ZBTB16: variants seen among roughly 807,000 people sequenced by gnomAD.
The protein encoded by ZBTB16 is zinc finger and BTB domain containing 16.
A neutral mutation model predicts 56.8 loss-of-function variants in ZBTB16; 8 were observed. That is an observed-to-expected ratio of 0.14 (90% CI 0.08 to 0.25). ZBTB16 has a LOEUF of 0.25. ZBTB16 is among the 10% of genes least tolerant of loss of function. ZBTB16 has a pLI of 1.00. For missense variants in ZBTB16, 625 were observed against 903.0 expected (o/e 0.69, Z 3.95); for synonymous variants, 363 against 368.5 (o/e 0.98, Z 0.17).
At chr11:114,141,282 C>T (rs1941938313) in intron 2 of ZBTB16, among the ~76,000 whole-genome samples, 2 of 152,224 alleles carry the variant, frequency 1.3e-5, no homozygotes, top group African/African-American at 4.8e-5. Context: ...TCCAGAGCCC[C>T]CGAAAGGACC....
chr11:114,090,221 G>A (rs1307679070), intron 2 of ZBTB16, among the ~76,000 whole-genome samples: 1 of 152,242 alleles, frequency 6.6e-6, no homozygotes, highest in Non-Finnish European at 1.5e-5. Flanking sequence ...GATGGTTAGG[G>A]GAGGGGTCTT....
chr11:114,167,786 A>C (rs777376315), intron 3 of ZBTB16, among the ~76,000 whole-genome samples: 2 of 152,164 alleles, frequency 1.3e-5, no homozygotes, highest in African/African-American at 2.4e-5. Context: ...TATTGGTTCT[A>C]TCTGGTTATC....
chr11:114,219,007 G>A (rs1944167700), intron 4 of ZBTB16, among the ~76,000 whole-genome samples: 1 of 152,166 alleles, frequency 6.6e-6, no homozygotes, highest in Non-Finnish European at 1.5e-5. Flanking sequence ...AAGGCGTAAA[G>A]TGAGAGCCGT....
chr11:114,074,259 ATCTTAAT>A (rs1448084145), intron 2 of ZBTB16, among the ~76,000 whole-genome samples: 1 of 152,136 alleles, frequency 6.6e-6, no homozygotes, highest in Non-Finnish European at 1.5e-5. Flanking sequence ...CAGCGTTGTG[ATCTTAAT>A]GCCATTAGGC....
chr11:114,129,264 T>C (rs1456267891), intron 2 of ZBTB16, among the ~76,000 whole-genome samples: 3 of 152,238 alleles, frequency 2.0e-5, no homozygotes, highest in African/African-American at 2.4e-5. Flanking sequence ...TTTAATCTGC[T>C]CTGTTTAGAG....
intron 3 of ZBTB16, among the ~76,000 whole-genome samples, chr11:114,171,132 A>G (rs1410740652): frequency 6.6e-6 from 1 of 152,146 alleles, no homozygotes; most frequent in African/African-American, 2.4e-5. Context: ...GAGCAAAGAG[A>G]ATCACAGTGC....
At chr11:114,190,602 A>C (rs1185780375) in intron 4 of ZBTB16, among the ~76,000 whole-genome samples, 1 of 152,148 alleles carries the variant, frequency 6.6e-6, no homozygotes, top group Non-Finnish European at 1.5e-5. Flanking sequence ...TTTAAAAGAC[A>C]TGAATTTTAT....
At chr11:114,207,554 A>G (rs1439297692) in intron 4 of ZBTB16, among the ~76,000 whole-genome samples, 1 of 149,696 alleles carries the variant, frequency 6.7e-6, no homozygotes, top group Non-Finnish European at 1.5e-5. Flanking sequence ...TAACCCCCAC[A>G]CTCTCATGTG....
rs566385318 is a variant in ZBTB16, at chr11:114,256,543, T to G, written c.*5988T>G. Among the ~76,000 whole-genome samples the G allele has an allele frequency of 6.6e-6, 1 of 152,294 alleles. No homozygotes were observed. Among genetic ancestry groups the G allele is most frequent in the Non-Finnish European group, 1.5e-5 (1 of 68,026 alleles). On this transcript the variant is annotated 3_prime_UTR_variant, in exon 7 of 7. Transcript: ENST00000335953. ...GGGGTCTCACGTCTTCTTTAGTCTT[T>G]AGAGAGACATTTTCAACTGACTCCT...
At chr11:114,247,098 C>A in intron 5 of ZBTB16, 100 bp from the exon 6 acceptor site, 2 of 1,534,902 alleles carry the variant, frequency 1.3e-6, no homozygotes, top group Non-Finnish European at 9.0e-7. Flanking sequence ...GTGGTGAATA[C>A]AGGCCGTCGC....
chr11:114,171,677 C>CTAGAATTCT (rs1420582385), intron 3 of ZBTB16, among the ~76,000 whole-genome samples: 3 of 152,204 alleles, frequency 2.0e-5, no homozygotes, highest in African/African-American at 7.2e-5. Context: ...CCTGCACAGC[C>CTAGAATTCT]TAGAATTCTG....
At chr11:114,089,083 G>A (rs1362435979) in intron 2 of ZBTB16, among the ~76,000 whole-genome samples, 7 of 152,224 alleles carry the variant, frequency 4.6e-5, no homozygotes, top group Non-Finnish European at 1.0e-4. Context: ...ACGTGATTGG[G>A]CCACATCCCA....
chr11:114,074,382 T>A (rs1939461678), intron 2 of ZBTB16, among the ~76,000 whole-genome samples: 1 of 152,090 alleles, frequency 6.6e-6, no homozygotes, highest in Non-Finnish European at 1.5e-5. Flanking sequence ...CCATTATTAG[T>A]GTTAATTTGG....
intron 4 of ZBTB16, among the ~76,000 whole-genome samples, chr11:114,216,769 C>T (rs145979029): frequency 2.0e-5 from 3 of 152,310 alleles, no homozygotes; most frequent in African/African-American, 4.8e-5. Flanking sequence ...AGAACCAAGA[C>T]GGCTTGCCAC....
chr11:114,221,551 TC>T (rs1353669406), intron 4 of ZBTB16, among the ~76,000 whole-genome samples: 1 of 152,126 alleles, frequency 6.6e-6, no homozygotes, highest in East Asian at 1.9e-4. Flanking sequence ...ACACATTCAT[TC>T]CCCTTCTCCA....
intron 2 of ZBTB16, among the ~76,000 whole-genome samples, chr11:114,097,400 A>G (rs1033922859): frequency 1.3e-5 from 2 of 152,228 alleles, no homozygotes; most frequent in African/African-American, 4.8e-5. Flanking sequence ...GTTACACAAC[A>G]TCAGGAGTGT....
At chr11:114,103,292 A>AC (rs1940678986) in intron 2 of ZBTB16, among the ~76,000 whole-genome samples, 1 of 151,896 alleles carries the variant, frequency 6.6e-6, no homozygotes, top group Non-Finnish European at 1.5e-5. Flanking sequence ...GACCCCCACC[A>AC]CCCCCCAGCC....
intron 2 of ZBTB16, among the ~76,000 whole-genome samples, chr11:114,078,383 C>A (rs1056259930): frequency 6.6e-6 from 1 of 152,188 alleles, no homozygotes; most frequent in African/African-American, 2.4e-5. Flanking sequence ...CATCTGAAAT[C>A]TTAAATGAGT....
At chr11:114,159,739 G>C (rs1022064321) in intron 3 of ZBTB16, among the ~76,000 whole-genome samples, 2 of 152,164 alleles carry the variant, frequency 1.3e-5, no homozygotes, top group Non-Finnish European at 2.9e-5. Flanking sequence ...AGAACTAGGT[G>C]ATGTTTTAGA....
Sources: gnomAD v4.1 joint callset for allele counts (sites outside exome capture counted in the v4.1 genomes callset) on GRCh38, gnomAD v4.1.1 for gene constraint, MANE v1.5 for transcripts, NCBI Gene and HGNC (gene_info 2026-07-23, HGNC 2026-07-21) for gene names.